Variants in UTS2B observed in about 807,000 individuals in gnomAD.
UTS2B encodes the protein urotensin-2B.
Under a neutral mutation model 19.2 loss-of-function variants are expected in UTS2B, and 21 were observed. The observed-to-expected ratio is 1.09, with a 90% confidence interval of 0.78 to 1.58. The LOEUF is 1.58. Among genes scored for constraint, UTS2B ranks in the 40% most tolerant of loss-of-function variants. The probability of loss-of-function intolerance (pLI) is 0.00; values close to 1 mark genes in which losing one functional copy is unlikely to be tolerated. For synonymous variants in UTS2B, 57 were observed against 50.2 expected (o/e 1.14, Z -0.58); for missense variants, 138 against 130.3 (o/e 1.06, Z -0.29).
the UTS2B span, among the ~76,000 whole-genome samples, chr3:191,340,642 C>T: frequency 6.6e-6 from 1 of 152,138 alleles, no homozygotes; most frequent in East Asian, 1.9e-4. Flanking sequence ...CTTGGACATT[C>T]AGCTGAAAAA....
At chr3:191,281,462 ATAT>A (rs1417382303) in intron 5 of UTS2B, among the ~76,000 whole-genome samples, 1 of 151,872 alleles carries the variant, frequency 6.6e-6, no homozygotes, top group Non-Finnish European at 1.5e-5. Context: ...GTAAATTATA[ATAT>A]TATAAGAGCA....
At chr3:191,319,370 T>C (rs115548134) in intron 2 of UTS2B, among the ~76,000 whole-genome samples, 1,671 of 152,348 alleles carry the variant, frequency 0.011, 29 homozygotes, top group African/African-American at 0.037. Context: ...TTTTTCTAAC[T>C]GGACATTTAT....
At chr3:191,327,261 C>G (rs768379389) in intron 2 of UTS2B, among the ~76,000 whole-genome samples, 1 of 152,052 alleles carries the variant, frequency 6.6e-6, no homozygotes, top group Non-Finnish European at 1.5e-5. Flanking sequence ...TTTGGGAGGC[C>G]GAGGTGGGCG....
chr3:191,281,727 C>T (rs1716391470), intron 5 of UTS2B, among the ~76,000 whole-genome samples: 1 of 145,894 alleles, frequency 6.9e-6, no homozygotes, highest in African/African-American at 2.5e-5. Flanking sequence ...TTTCCTTTCC[C>T]CAAGATAGAG....
At chr3:191,275,206 A>G (rs2108569371) in intron 8 of UTS2B, 46 bp downstream of exon 8, 1 of 1,438,392 alleles carries the variant, frequency 7.0e-7, no homozygotes, top group East Asian at 2.3e-5. Flanking sequence ...TACTGCAAAA[A>G]TAATCTTTTG....
chr3:191,291,049 C>A (rs1716698875), intron 4 of UTS2B, among the ~76,000 whole-genome samples: 1 of 148,088 alleles, frequency 6.8e-6, no homozygotes, highest in Non-Finnish European at 1.5e-5. Flanking sequence ...GACATCCTGA[C>A]AAGACGGTGC....
chr3:191,336,667 T>C, the UTS2B span, among the ~76,000 whole-genome samples: 15 of 152,188 alleles, frequency 9.9e-5, no homozygotes, highest in African/African-American at 2.9e-4. Context: ...CTACTTGATA[T>C]TAGCTAAATC....
chr3:191,294,062 C>T (rs1390509250), intron 4 of UTS2B, among the ~76,000 whole-genome samples: 1 of 151,612 alleles, frequency 6.6e-6, no homozygotes, highest in Non-Finnish European at 1.5e-5. Flanking sequence ...GAGCCAAGAT[C>T]GCGCCATTGC....
At chr3:191,321,034 C>G (rs908251828) in intron 2 of UTS2B, among the ~76,000 whole-genome samples, 1 of 152,056 alleles carries the variant, frequency 6.6e-6, no homozygotes, top group Non-Finnish European at 1.5e-5. Context: ...AAGCTTCATG[C>G]GACATTATTC....
intron 8 of UTS2B, among the ~76,000 whole-genome samples, chr3:191,271,634 G>C (rs1716097749): frequency 6.6e-6 from 1 of 152,078 alleles, no homozygotes; most frequent in African/African-American, 2.4e-5. Flanking sequence ...CTCTTTTGTT[G>C]ACTCTGCCTC....
At chr3:191,337,520 T>C in the UTS2B span, among the ~76,000 whole-genome samples, 1 of 152,102 alleles carries the variant, frequency 6.6e-6, no homozygotes, top group Non-Finnish European at 1.5e-5. Flanking sequence ...AATTTTTGTA[T>C]TTTTAGTAGA....
At chr3:191,279,252 A>G (rs544274640) in intron 5 of UTS2B, among the ~76,000 whole-genome samples, 169 of 152,226 alleles carry the variant, frequency 1.1e-3, no homozygotes, top group African/African-American at 4.0e-3. Flanking sequence ...CTTCATACAC[A>G]TAAAAATTAT....
chr3:191,324,368 A>G (rs893620645), intron 2 of UTS2B, among the ~76,000 whole-genome samples: 3 of 152,198 alleles, frequency 2.0e-5, no homozygotes, highest in African/African-American at 7.2e-5. Flanking sequence ...GACAGATGGG[A>G]TAGGGTGATA....
At chr3:191,329,797 T>G in intron 1 of UTS2B, 1 of 1,514,274 alleles carries the variant, frequency 6.6e-7, no homozygotes, top group Admixed American at 2.0e-5. Context: ...TCAGGGGCGT[T>G]GCCATTTCGG....
chr3:191,286,622 TA>T (rs1203991585), intron 4 of UTS2B, among the ~76,000 whole-genome samples: 1 of 151,398 alleles, frequency 6.6e-6, no homozygotes, highest in Non-Finnish European at 1.5e-5. Context: ...CAAAAGTAGT[TA>T]AAAGGGGAAA....
chr3:191,289,987 T>C (rs1716668702), intron 4 of UTS2B, among the ~76,000 whole-genome samples: 1 of 152,238 alleles, frequency 6.6e-6, no homozygotes, highest in South Asian at 2.1e-4. Context: ...AATCATATGC[T>C]AATTTCTTCA....
intron 3 of UTS2B, among the ~76,000 whole-genome samples, chr3:191,315,558 GA>G (rs1717425550): frequency 6.6e-6 from 1 of 152,198 alleles, no homozygotes; most frequent in Admixed American, 6.5e-5. Flanking sequence ...GATGTATAAA[GA>G]AATCCCTTCA....
At chr3:191,281,046 T>G (rs1310465482) in intron 5 of UTS2B, among the ~76,000 whole-genome samples, 1 of 152,190 alleles carries the variant, frequency 6.6e-6, no homozygotes, top group Admixed American at 6.5e-5. Context: ...TTATTTCCTC[T>G]GCCAACAGAA....
chr3:191,277,141 A>T (rs753530903), intron 6 of UTS2B, among the ~76,000 whole-genome samples: 2 of 152,144 alleles, frequency 1.3e-5, no homozygotes, highest in Non-Finnish European at 2.9e-5. Flanking sequence ...TTTTGCTGGC[A>T]TGTGGAAATT....
Sources: gnomAD v4.1 joint callset for allele counts (sites outside exome capture counted in the v4.1 genomes callset) on GRCh38, gnomAD v4.1.1 for gene constraint, MANE v1.5 for transcripts, NCBI Gene and HGNC (gene_info 2026-07-23, HGNC 2026-07-21) for gene names.